KCMF1: variants seen among roughly 807,000 people sequenced by gnomAD.
The protein encoded by KCMF1 is E3 ubiquitin-protein ligase KCMF1.
In KCMF1, 3 loss-of-function variants were observed where a neutral mutation model predicts 41.1. That is an observed-to-expected ratio of 0.07 (90% confidence interval 0.03 to 0.19). The LOEUF is 0.19. Among genes scored for constraint, KCMF1 ranks in the 10% least tolerant of loss-of-function variants. KCMF1 has a pLI of 1.00. For missense variants in KCMF1, 286 were observed against 488.9 expected (o/e 0.58, Z 3.91); for synonymous variants, 142 against 164.5 (o/e 0.86, Z 1.04).
Position 85,046,231 on chromosome 2 carries a change from A to C in KCMF1, c.554A>C (p.Gln185Pro). ...SSSTGGLSSSQSSYSPSNREA... is the reference protein window; with the variant it reads ...SSSTGGLSSSPSSYSPSNREA... ...TCTACTGGTGGACTTTCTTCTTCTC[A>C]GAGTTCATATTCTCCAAGCAATAGG... The change falls in exon 5 of 7, where the codon CAG becomes CCG. Residue 185 changes from glutamine to proline, a missense_variant. This residue lies in a region of KCMF1 where 191 missense variants were observed against 279.3 expected (regional missense o/e 0.68). Transcript: ENST00000409785. 1 of 1,613,422 alleles carries C rather than the reference A, an allele frequency of 6.2e-7. No individual in the cohort carries two copies. The highest frequency in any genetic ancestry group is 8.5e-7 in the Non-Finnish European group (1 of 1,179,606).
chr2:84,977,914 A>G (rs913526460), intron 1 of KCMF1, among the ~76,000 whole-genome samples: 12 of 152,210 alleles, frequency 7.9e-5, no homozygotes, highest in Admixed American at 7.9e-4. Flanking sequence ...AAAATGTAGT[A>G]AAACATAACT....
intron 1 of KCMF1, among the ~76,000 whole-genome samples, chr2:85,001,265 C>T (rs980455337): frequency 7.2e-5 from 11 of 152,122 alleles, no homozygotes; most frequent in Non-Finnish European, 1.5e-4. Flanking sequence ...TCAAGTGATT[C>T]TTCCACCTCA....
chr2:85,045,866 C>CT (rs1198220692), intron 4 of KCMF1, among the ~76,000 whole-genome samples: 1 of 151,980 alleles, frequency 6.6e-6, no homozygotes, highest in Non-Finnish European at 1.5e-5. Flanking sequence ...TATAGAGAAA[C>CT]TTTTTTACCT....
chr2:84,989,332 T>C (rs78884743), intron 1 of KCMF1, among the ~76,000 whole-genome samples: 2,673 of 152,228 alleles, frequency 0.018, 64 homozygotes, highest in African/African-American at 0.061. Flanking sequence ...CAAAAAATAA[T>C]GATAGTTGAT....
intron 4 of KCMF1, 27 bp downstream of exon 4, chr2:85,043,692 A>G: frequency 7.0e-7 from 1 of 1,422,180 alleles, no homozygotes; most frequent in Non-Finnish European, 9.9e-7. Context: ...TGACAAGGAA[A>G]AGAGTTGTTT....
At chr2:84,981,191 A>AT (rs375286197) in intron 1 of KCMF1, among the ~76,000 whole-genome samples, 2,184 of 143,508 alleles carry the variant, frequency 0.015, 42 homozygotes, top group African/African-American at 0.035. Context: ...CTTCTGTTGA[A>AT]TTTTTTTTTT....
At chr2:84,987,165 A>G (rs1673922015) in intron 1 of KCMF1, among the ~76,000 whole-genome samples, 1 of 152,242 alleles carries the variant, frequency 6.6e-6, no homozygotes, top group South Asian at 2.1e-4. Context: ...CAAGGTAGAT[A>G]AGTGAAGGAT....
chr2:84,985,690 G>A (rs1420770251), intron 1 of KCMF1, among the ~76,000 whole-genome samples: 4 of 152,172 alleles, frequency 2.6e-5, no homozygotes, highest in Admixed American at 6.5e-5. Context: ...TTAGCTGGGT[G>A]TGGCAGTAAG....
intron 2 of KCMF1, among the ~76,000 whole-genome samples, chr2:85,031,603 G>A (rs1675269185): frequency 6.6e-6 from 1 of 152,210 alleles, no homozygotes; most frequent in South Asian, 2.1e-4. Flanking sequence ...ACTAGGCTAA[G>A]CTATGATGTT....
chr2:85,035,155 G>A lies in KCMF1; in HGVS notation c.324G>A (p.Val108=). 6.2e-7 allele frequency: 1 copy of A among 1,610,416 alleles called. No homozygotes were observed. Among genetic ancestry groups the A allele is most frequent in the Non-Finnish European group, 8.5e-7 (1 of 1,178,510 alleles). ...AACATGCAGAAACATCAACAGAAGT[G>A]GTAAGTGAAGCAGCAACCTTATGAC... ...TSEHAETSTE[V]ICPICAALPG... is the part of the protein sequence containing the mutation. The change falls in exon 3 of 7, where the codon GTG becomes GTA. Residue 108 remains valine (V), a splice_region_variant and synonymous_variant. Coordinates refer to ENST00000409785, the MANE Select transcript of KCMF1 (RefSeq NM_020122.5).
intron 1 of KCMF1, among the ~76,000 whole-genome samples, chr2:85,008,353 T>TG (rs1242665871): frequency 2.7e-5 from 3 of 110,096 alleles, no homozygotes; most frequent in South Asian, 2.4e-4. Context: ...ATATAATATA[T>TG]AATATATATT....
chr2:85,033,599 C>T (rs1311339345), intron 2 of KCMF1, among the ~76,000 whole-genome samples: 1 of 152,148 alleles, frequency 6.6e-6, no homozygotes, highest in Non-Finnish European at 1.5e-5. Flanking sequence ...CCCTTTAAAA[C>T]AACTCACTCT....
At position 85,049,496 on chromosome 2, in the gene KCMF1, A is replaced by G; in HGVS notation, c.732A>G (p.Ala244=). 6.2e-7 allele frequency: 1 copy of G among 1,614,062 alleles called. No homozygotes were observed. The highest frequency in any genetic ancestry group is 1.1e-5 in the South Asian group (1 of 91,090). The change falls in exon 6 of 7, where the codon GCA becomes GCG. Residue 244 remains alanine, a synonymous_variant. Transcript: ENST00000409785. ...LQLERQHAQA[A]RQQLETARNA... Reference sequence around the variant, plus strand: ...TAGAACGGCAGCATGCCCAGGCAGCACGGCAACAACTGGAGACCGCACGCA... The same window carrying G: ...TAGAACGGCAGCATGCCCAGGCAGCGCGGCAACAACTGGAGACCGCACGCA...
intron 1 of KCMF1, among the ~76,000 whole-genome samples, chr2:84,978,771 A>C (rs905806303): frequency 1.3e-5 from 2 of 151,796 alleles, no homozygotes; most frequent in African/African-American, 4.8e-5. Flanking sequence ...GCTGGAGTGC[A>C]ATGGCGCGAT....
At chr2:85,050,914 A>G (rs112884360) in intron 6 of KCMF1, among the ~76,000 whole-genome samples, 10 of 152,266 alleles carry the variant, frequency 6.6e-5, no homozygotes, top group Non-Finnish European at 1.0e-4. Flanking sequence ...AGCTTTGCCA[A>G]TTACAAGTTT....
At chr2:84,980,385 C>T (rs1673700257) in intron 1 of KCMF1, among the ~76,000 whole-genome samples, 2 of 152,122 alleles carry the variant, frequency 1.3e-5, no homozygotes, top group Non-Finnish European at 1.5e-5. Context: ...CCAGCTCTCA[C>T]GCCTGATGGA....
At position 85,027,182 on chromosome 2, in the gene KCMF1, T is replaced by G. The variant is rs1476173339; in HGVS notation, c.17-707T>G. On this transcript the variant is annotated intron_variant, in intron 1 of 6. Coordinates refer to ENST00000409785, the MANE Select transcript of KCMF1 (RefSeq NM_020122.5). ...TTGAGAGTATATTAGGGTCTTGGTT[T>G]TATGAGGAATCTTCTGTTAATTATC... Among the ~76,000 whole-genome samples, 5 of 152,118 alleles carry G rather than the reference T, an allele frequency of 3.3e-5. No individual in the cohort carries two copies. In the East Asian group the frequency reaches 5.8e-4, roughly 18 times the overall value.
intron 1 of KCMF1, among the ~76,000 whole-genome samples, chr2:85,025,409 G>A (rs1051460599): frequency 6.6e-6 from 1 of 152,190 alleles, no homozygotes; most frequent in South Asian, 2.1e-4. Flanking sequence ...TAGGTGTACA[G>A]TTCAGTAGCA....
At chr2:85,017,903 A>G (rs1017716728) in intron 1 of KCMF1, among the ~76,000 whole-genome samples, 1 of 152,192 alleles carries the variant, frequency 6.6e-6, no homozygotes, top group African/African-American at 2.4e-5. Context: ...GGCTTTTTAA[A>G]AATGTGTTCC....
Sources: allele counts gnomAD v4.1 joint callset (sites outside exome capture counted in the v4.1 genomes callset), GRCh38; gene constraint gnomAD v4.1.1; regional missense constraint gnomAD v4.1.1; transcripts MANE v1.5; gene names NCBI Gene and HGNC (gene_info 2026-07-23, HGNC 2026-07-21).